The following CMIP variants were observed in gnomAD, a reference collection of about 807,000 sequenced individuals.
CMIP encodes C-Maf-inducing protein.
In CMIP, 13 loss-of-function variants were observed where a neutral mutation model predicts 97.3. The ratio of observed to expected loss-of-function variants is 0.13; its 90% CI spans 0.09 to 0.21. The LOEUF is 0.21. CMIP is among the 10% of genes least tolerant of loss of function. CMIP has a pLI of 1.00. For synonymous variants in CMIP, 538 were observed against 436.3 expected, an observed-to-expected ratio of 1.23 and a Z score of -2.91; for missense variants, 847 against 1,024.9, an observed-to-expected ratio of 0.83 and a Z score of 2.37.
chr16:81,574,595 G>A (rs1324867896), intron 1 of CMIP, among the ~76,000 whole-genome samples: 3 of 152,270 alleles, frequency 2.0e-5, no homozygotes, highest in African/African-American at 4.8e-5. Flanking sequence ...CGGAAAGGTT[G>A]TAGGTGATTC....
chr16:81,525,976 ACGTGTG>A (rs1190739494), intron 1 of CMIP, among the ~76,000 whole-genome samples: 234 of 65,914 alleles, frequency 3.6e-3, no homozygotes, highest in African/African-American at 0.015. Context: ...GACTAATAAT[ACGTGTG>A]TGTGTGTGTG....
chr16:81,690,448 A>T (rs1280041723), intron 10 of CMIP, among the ~76,000 whole-genome samples: 1 of 152,214 alleles, frequency 6.6e-6, no homozygotes, highest in Non-Finnish European at 1.5e-5. Flanking sequence ...GAAAGCAAAA[A>T]TAGAAGTATC....
intron 1 of CMIP, among the ~76,000 whole-genome samples, chr16:81,473,217 G>C (rs550922514): frequency 6.6e-6 from 1 of 152,238 alleles, no homozygotes; most frequent in Non-Finnish European, 1.5e-5. Context: ...GCAGGACGAC[G>C]TGAACAGGCT....
At chr16:81,585,133 G>A (rs1439563016) in intron 1 of CMIP, among the ~76,000 whole-genome samples, 1 of 152,158 alleles carries the variant, frequency 6.6e-6, no homozygotes, top group African/African-American at 2.4e-5. Flanking sequence ...CTTGAGTTCA[G>A]GTGTTTGAGA....
rs994920461 is a variant in CMIP, at chr16:81,627,819, G to A, written c.477+6893G>A. Reference sequence around the variant, plus strand: ...CTCATGAGTGGCTGCGGCGCCTCGGGAATGAGTCTGTTCCATGTTCTGTGT... The same window carrying A: ...CTCATGAGTGGCTGCGGCGCCTCGGAAATGAGTCTGTTCCATGTTCTGTGT... On this transcript the variant is annotated intron_variant, in intron 3 of 20. Transcript: ENST00000537098. This position sits in a 1 kb window ranked among gnomAD's most constrained non-coding sequence, Gnocchi z 4.6. Among the ~76,000 whole-genome samples, 4 of 152,192 alleles carry A rather than the reference G, an allele frequency of 2.6e-5. No individual in the cohort carries two copies. Among genetic ancestry groups the A allele is most frequent in the Admixed American group, 6.5e-5 (1 of 15,282 alleles).
rs10533097 is a variant in CMIP at position 81,629,134 on chromosome 16, TAAAAAAAAAAAAAAA to T, written c.477+8226_477+8240del. On this transcript the variant is annotated intron_variant, in intron 3 of 20. Transcript: ENST00000537098. ...CTGGGTGACAGAGTGAAACTGTGCT[TAAAAAAAAAAAAAAA>T]AAAAAAAAAAAAAAAAAGATAATGT... is the stretch of plus-strand genomic sequence containing the variant. 1.4e-3 allele frequency among the ~76,000 whole-genome samples: 65 copies of T among 45,704 alleles called. 3 individuals carry two copies. In the South Asian group the frequency reaches 0.054, roughly 38 times the overall value. The allele number at this position is 45,704 out of a possible 152,430, so 30.0% of individuals were successfully genotyped here.
intron 1 of CMIP, among the ~76,000 whole-genome samples, chr16:81,526,128 C>T (rs1296372969): frequency 6.6e-6 from 1 of 152,078 alleles, no homozygotes; most frequent in Non-Finnish European, 1.5e-5. Flanking sequence ...TTTTGCATCC[C>T]TGCTTTCAGT....
At chr16:81,497,819 C>A (rs1188911779) in intron 1 of CMIP, among the ~76,000 whole-genome samples, 18 of 152,276 alleles carry the variant, frequency 1.2e-4, no homozygotes, top group Non-Finnish European at 2.6e-4. Context: ...TCTGCTGCTG[C>A]AGCCTCAAGG....
In CMIP at chr16:81,706,992, ACTGTAT is replaced by A; in HGVS notation, c.2198-17_2198-12del. ...CCTTTGGGGCCTCGCTCTCCTAACA[ACTGTAT>A]CTGTCTCTTGTGCAGCCATGAAGAG... On this transcript the variant is annotated splice_polypyrimidine_tract_variant and intron_variant, in intron 19 of 20. Transcript: ENST00000537098. 1 of 1,611,450 alleles carries A rather than the reference ACTGTAT, an allele frequency of 6.2e-7. No individual in the cohort carries two copies. The highest frequency in any genetic ancestry group is 1.7e-4 in the Middle Eastern group (1 of 6,054).
intron 3 of CMIP, among the ~76,000 whole-genome samples, chr16:81,641,645 G>A (rs932745355): frequency 1.3e-5 from 2 of 152,182 alleles, no homozygotes; most frequent in African/African-American, 4.8e-5. Context: ...CCCTGGAAGC[G>A]GCATTGAGCA....
At chr16:81,610,234 G>T in intron 2 of CMIP, 2 of 809,806 alleles carry the variant, frequency 2.5e-6, no homozygotes, top group Non-Finnish European at 3.0e-6. Flanking sequence ...TAACCCGGCT[G>T]TGGCCGCGGG....
intron 1 of CMIP, among the ~76,000 whole-genome samples, chr16:81,567,270 T>A (rs1368853523): frequency 6.6e-6 from 1 of 152,210 alleles, no homozygotes; most frequent in Non-Finnish European, 1.5e-5. Context: ...GCTGCAGACT[T>A]CCCTGAAGGG....
intron 2 of CMIP, chr16:81,610,429 G>A (rs927540950): frequency 2.0e-6 from 2 of 985,980 alleles, no homozygotes; most frequent in Non-Finnish European, 2.4e-6. Flanking sequence ...GGAAGCAGAG[G>A]AAAAGGAGGA....
chr16:81,515,021 T>G (rs528969879), intron 1 of CMIP, among the ~76,000 whole-genome samples: 1 of 152,052 alleles, frequency 6.6e-6, no homozygotes, highest in South Asian at 2.1e-4. Flanking sequence ...TGGAGGAAGG[T>G]CATATCCTTC....
At chr16:81,596,293 G>A (rs1226920619) in intron 1 of CMIP, among the ~76,000 whole-genome samples, 1 of 152,052 alleles carries the variant, frequency 6.6e-6, no homozygotes, top group Non-Finnish European at 1.5e-5. Context: ...ATCACTTGAG[G>A]TCAGGAGTTC....
intron 1 of CMIP, among the ~76,000 whole-genome samples, chr16:81,597,380 A>G (rs1054214976): frequency 6.6e-6 from 1 of 152,208 alleles, no homozygotes; most frequent in Non-Finnish European, 1.5e-5. Context: ...GCCTGTAGAC[A>G]AAGGCCAGGG....
At chr16:81,663,604 A>C (rs1377995773) in intron 6 of CMIP, among the ~76,000 whole-genome samples, 1 of 152,188 alleles carries the variant, frequency 6.6e-6, no homozygotes, top group Non-Finnish European at 1.5e-5. Flanking sequence ...CAGCACCAAG[A>C]GTGAACCCTA....
intron 1 of CMIP, among the ~76,000 whole-genome samples, chr16:81,514,707 G>A (rs1429277096): frequency 2.0e-5 from 3 of 152,134 alleles, no homozygotes; most frequent in African/African-American, 7.2e-5. Flanking sequence ...CCGTGGGTTT[G>A]TTTCCAGACT....
intron 1 of CMIP, among the ~76,000 whole-genome samples, chr16:81,582,295 C>T (rs1232895531): frequency 6.6e-6 from 1 of 152,106 alleles, no homozygotes; most frequent in Admixed American, 6.5e-5. Flanking sequence ...CCTCCAGGAA[C>T]CCCTCCTTGG....
Sources: gnomAD v4.1 joint callset for allele counts (sites outside exome capture counted in the v4.1 genomes callset) on GRCh38, gnomAD v4.1.1 for gene constraint, Gnocchi (gnomAD v3.1) non-coding constraint, MANE v1.5 for transcripts, NCBI Gene and HGNC (gene_info 2026-07-23, HGNC 2026-07-21) for gene names.